The following RASGRP3 variants were observed in gnomAD, a reference collection of about 807,000 sequenced individuals.
The protein encoded by RASGRP3 is RAS guanyl releasing protein 3.
A neutral mutation model predicts 82.7 loss-of-function variants in RASGRP3; 54 were observed. The observed-to-expected ratio is 0.65, with a 90% confidence interval of 0.52 to 0.82. The LOEUF is 0.82. Ranked by LOEUF, RASGRP3 falls within the 40% of genes least tolerant of loss-of-function variation. RASGRP3 has a pLI of 0.00. For synonymous variants in RASGRP3, 309 were observed against 300.5 expected (o/e 1.03, Z -0.29); for missense variants, 861 against 828.9 (o/e 1.04, Z -0.48).
At chr2:33,543,207 G>T (rs186110812) in intron 12 of RASGRP3, among the ~76,000 whole-genome samples, 7 of 152,140 alleles carry the variant, frequency 4.6e-5, no homozygotes, top group African/African-American at 1.4e-4. Context: ...TAGCAATGAG[G>T]TCTCTCTATA....
chr2:33,485,075 A>G (rs533212080), intron 1 of RASGRP3, among the ~76,000 whole-genome samples: 6 of 152,242 alleles, frequency 3.9e-5, no homozygotes, highest in East Asian at 3.9e-4. Flanking sequence ...GTGCATGCCT[A>G]TAATCCCAAC....
At chr2:33,477,392 G>T (rs1378194836) in intron 1 of RASGRP3, among the ~76,000 whole-genome samples, 3 of 152,108 alleles carry the variant, frequency 2.0e-5, no homozygotes, top group African/African-American at 4.8e-5. Context: ...ATGTTCAGTT[G>T]CCCCTGGTCT....
At chr2:33,488,129 T>G (rs1464552845) in intron 1 of RASGRP3, among the ~76,000 whole-genome samples, 1 of 152,212 alleles carries the variant, frequency 6.6e-6, no homozygotes, top group Non-Finnish European at 1.5e-5. Context: ...AGCAAGAAAC[T>G]GAGAACCTCT....
At chr2:33,558,067 C>T (rs1423040555) in intron 15 of RASGRP3, 144 bp from the exon 16 acceptor site, 2 of 1,094,246 alleles carry the variant, frequency 1.8e-6, no homozygotes, top group East Asian at 2.6e-5. Flanking sequence ...ATCCTAGACA[C>T]ACCCCATGGG....
chr2:33,483,678 G>A (rs375957516), intron 1 of RASGRP3, among the ~76,000 whole-genome samples: 1 of 151,906 alleles, frequency 6.6e-6, no homozygotes, highest in Non-Finnish European at 1.5e-5. Flanking sequence ...TAGGAGAGAC[G>A]GGGTTTTGCC....
In RASGRP3 at chr2:33,527,163, C is replaced by G. The variant is rs1415555746; in HGVS notation, c.834C>G (p.Val278=). The G allele has an allele frequency of 1.9e-6, 3 of 1,614,018 alleles. No homozygotes were observed. Among genetic ancestry groups the G allele is most frequent in the Non-Finnish European group, 2.5e-6 (3 of 1,179,892 alleles). The change falls in exon 10 of 18, where the codon GTC becomes GTG. Residue 278 remains valine (V), a synonymous_variant. Coordinates refer to ENST00000403687, the MANE Select transcript of RASGRP3 (RefSeq NM_001139488.2). ...ACTGGAATGAAATGACAGAGTTGGT[C>G]TCCTCCAACGGCAATTACTGCAATT... ...TKNWNEMTEL[V]SSNGNYCNYR...
intron 1 of RASGRP3, among the ~76,000 whole-genome samples, chr2:33,507,402 A>C (rs1031984525): frequency 6.6e-6 from 1 of 152,160 alleles, no homozygotes; most frequent in Non-Finnish European, 1.5e-5. Flanking sequence ...TAATGAGAGC[A>C]CTGGAGAGTG....
chr2:33,521,945 T>A lies in RASGRP3; in HGVS notation c.369-10T>A. 1 of 1,602,204 alleles carries A rather than the reference T, an allele frequency of 6.2e-7. No individual in the cohort carries two copies. Among genetic ancestry groups the A allele is most frequent in the Non-Finnish European group, 8.5e-7 (1 of 1,176,742 alleles). ...TCAACACATTGACCGGACTCACTCT[T>A]CTTTTATAGTCCTTCCTATGACTGG... On this transcript the variant is annotated splice_polypyrimidine_tract_variant and intron_variant, in intron 6 of 17. Transcript: ENST00000403687.
At chr2:33,507,510 T>G (rs1462962561) in intron 1 of RASGRP3, among the ~76,000 whole-genome samples, 1 of 152,100 alleles carries the variant, frequency 6.6e-6, no homozygotes, top group Non-Finnish European at 1.5e-5. Context: ...ATATTTTGGA[T>G]CAAGTCAAAG....
At chr2:33,544,574 A>G (rs1418992763) in intron 13 of RASGRP3, among the ~76,000 whole-genome samples, 2 of 152,180 alleles carry the variant, frequency 1.3e-5, no homozygotes, top group Admixed American at 6.5e-5. Flanking sequence ...AATTGTTAAT[A>G]GTACGAGATT....
chr2:33,562,647 A>G, intron 17 of RASGRP3, 82 bp from the exon 18 acceptor site: 1 of 1,478,262 alleles, frequency 6.8e-7, no homozygotes, highest in South Asian at 1.2e-5. Flanking sequence ...CCTCAAAGTC[A>G]TCTGAAAAAC....
At chr2:33,539,583 C>T (rs1344163902) in intron 12 of RASGRP3, 1 of 146,708 alleles carries the variant, frequency 6.8e-6, no homozygotes, top group Non-Finnish European at 1.5e-5. Flanking sequence ...GGAAAGAAAT[C>T]CTGTAAGTTG....
In RASGRP3 at chr2:33,558,698, G is replaced by A. The variant is rs981775178; in HGVS notation, c.1732G>A (p.Gly578Arg). ...GCAGGATGAGGTGTTTGAGTTCCCT[G>A]GAGTCACTGCTGGACACAGGGATTT... is the stretch of plus-strand genomic sequence containing the variant. ...PAQDEVFEFPGVTAGHRDLDS... is the reference protein window; with the variant it reads ...PAQDEVFEFPRVTAGHRDLDS... Residue 578 changes from glycine (G) to arginine (R), a missense_variant, in exon 17 of 18, where the codon GGA becomes AGA. Gly to Arg is a moderately radical substitution (Grantham distance 125). Transcript: ENST00000403687. 2.5e-6 allele frequency: 4 copies of A among 1,609,374 alleles called. No individual in the cohort carries two copies. The highest frequency in any genetic ancestry group is 3.4e-6 in the Non-Finnish European group (4 of 1,178,054).
chr2:33,554,507 C>G (rs935605685), intron 14 of RASGRP3, among the ~76,000 whole-genome samples: 1 of 151,984 alleles, frequency 6.6e-6, no homozygotes, highest in Non-Finnish European at 1.5e-5. Flanking sequence ...GACTCTTGCT[C>G]TGTTGCCCAG....
intron 10 of RASGRP3, among the ~76,000 whole-genome samples, chr2:33,529,616 A>C (rs1001343239): frequency 6.6e-6 from 1 of 152,058 alleles, no homozygotes; most frequent in African/African-American, 2.4e-5. Flanking sequence ...AAAACTTAGA[A>C]GCCATCAAGC....
chr2:33,498,656 C>G (rs1479115669), intron 1 of RASGRP3, among the ~76,000 whole-genome samples: 3 of 152,142 alleles, frequency 2.0e-5, no homozygotes, highest in African/African-American at 7.2e-5. Flanking sequence ...GCCTCCCTGC[C>G]TTCTTCAGTG....
chr2:33,490,123 A>G (rs988842233), intron 1 of RASGRP3, among the ~76,000 whole-genome samples: 1 of 152,134 alleles, frequency 6.6e-6, no homozygotes, highest in Non-Finnish European at 1.5e-5. Context: ...CTTTCATATT[A>G]TAACTGGAAC....
intron 2 of RASGRP3, among the ~76,000 whole-genome samples, chr2:33,512,868 G>A (rs928828064): frequency 6.6e-6 from 1 of 152,146 alleles, no homozygotes; most frequent in African/African-American, 2.4e-5. Flanking sequence ...TGGAGCTTAT[G>A]TTTATGACAC....
intron 9 of RASGRP3, among the ~76,000 whole-genome samples, chr2:33,525,564 T>C (rs976120503): frequency 6.6e-6 from 1 of 151,766 alleles, no homozygotes; most frequent in South Asian, 2.1e-4. Context: ...AATTAAACAA[T>C]AAGCAAATGT....
Sources: allele counts gnomAD v4.1 joint callset (sites outside exome capture counted in the v4.1 genomes callset), GRCh38; gene constraint gnomAD v4.1.1; transcripts MANE v1.5; gene names NCBI Gene and HGNC (gene_info 2026-07-23, HGNC 2026-07-21).